The following TTI2 variants were observed in gnomAD, a reference collection of about 807,000 sequenced individuals.
The protein encoded by TTI2 is TELO2 interacting protein 2.
In TTI2, 26 loss-of-function variants were observed where a neutral mutation model predicts 44.9. The ratio of observed to expected loss-of-function variants is 0.58; its 90% CI spans 0.42 to 0.80. The LOEUF (loss-of-function observed/expected upper bound fraction) is 0.80, where lower values mean the gene tolerates loss of function less well. Ranked by LOEUF, TTI2 falls within the 30% of genes least tolerant of loss-of-function variation. The pLI is 0.00. For synonymous variants in TTI2, 254 were observed against 250.9 expected (o/e 1.01, Z -0.12); for missense variants, 582 against 611.6 (o/e 0.95, Z 0.51).
Position 33,509,882 on chromosome 8 carries a change from A to G in TTI2, c.698T>C (p.Leu233Pro). 1 of 1,612,530 alleles carries G rather than the reference A, an allele frequency of 6.2e-7. No individual in the cohort carries two copies. The highest frequency in any genetic ancestry group is 8.5e-7 in the Non-Finnish European group (1 of 1,179,264). Residue 233 changes from leucine (L) to proline (P), a missense_variant, in exon 3 of 8, where the codon CTG (leucine) becomes CCG (proline). Transcript: ENST00000431156. ...PAIKHVFSWT[L>P]QQVTRPWLSQ... ...CAGCCAGGGCCGAGTGACCTGTTGCAGAGTCCATGAGAAAACATGTTTGAT... is the reference window on the plus strand; with the variant it reads ...CAGCCAGGGCCGAGTGACCTGTTGCGGAGTCCATGAGAAAACATGTTTGAT...
At chr8:33,501,955 ATATTT>A (rs1284870481) in intron 6 of TTI2, among the ~76,000 whole-genome samples, 1 of 151,600 alleles carries the variant, frequency 6.6e-6, no homozygotes, top group African/African-American at 2.4e-5. Context: ...ATTTTTTTTT[ATATTT>A]TGAGACAGAG....
intron 4 of TTI2, 98 bp downstream of exon 4, chr8:33,507,131 G>A: frequency 9.2e-7 from 1 of 1,082,454 alleles, no homozygotes; most frequent in Non-Finnish European, 1.4e-6. Context: ...ACTTTCCAAG[G>A]CAGGAAAATG....
intron 7 of TTI2, 83 bp downstream of exon 7, chr8:33,500,245 C>T (rs527301027): frequency 1.3e-6 from 2 of 1,539,616 alleles, no homozygotes; most frequent in African/African-American, 2.7e-5. Flanking sequence ...TGGTCAGGCA[C>T]ATACATAGTA....
chr8:33,509,047 G>A (rs996369863), intron 3 of TTI2, among the ~76,000 whole-genome samples: 2 of 147,804 alleles, frequency 1.4e-5, no homozygotes, highest in African/African-American at 2.5e-5. Context: ...GGAGGCTGAG[G>A]CAAGAGAATC....
In TTI2 at chr8:33,503,765, C is replaced by T. The variant is rs150296270; in HGVS notation, c.1098G>A (p.Leu366=). The T allele has an allele frequency of 6.2e-7, 1 of 1,613,680 alleles. No homozygotes were observed. The highest frequency in any genetic ancestry group is 8.5e-7 in the Non-Finnish European group (1 of 1,179,998). Residue 366 remains leucine (L), a synonymous_variant, in exon 5 of 8, where the codon CTG becomes CTA. Transcript: ENST00000431156. ...LLLRRTYARN[L]PAFVNRLGIL... is the part of the protein sequence containing the mutation. ...GGCCTCACCTGTTCACGAAAGCCGG[C>T]AGGTTTCTTGCGTAGGTCCTGCGTA...
chr8:33,512,200 T>G lies in TTI2; in HGVS notation c.414A>C (p.Ala138=), dbSNP rs754700807. 2.5e-6 allele frequency: 4 copies of G among 1,614,214 alleles called. No individual in the cohort carries two copies. The Admixed American group carries it at 6.7e-5, about 27-fold the overall frequency. ...ETAKNSLVGP[A]WQTGLHHLAG... ...CCAAGTGATGCAGGCCCGTCTGCCATGCAGGGCCGACCAGGGAATTCTTAG... is the reference window on the plus strand; with the variant it reads ...CCAAGTGATGCAGGCCCGTCTGCCAGGCAGGGCCGACCAGGGAATTCTTAG... Residue 138 remains alanine (A), a synonymous_variant, in exon 2 of 8, where the codon GCA becomes GCC. Transcript: ENST00000431156.
rs971346120 is a variant in TTI2 at position 33,503,552 on chromosome 8, C to T, written c.1136G>A (p.Arg379Gln). 17 of 1,613,808 alleles carry T rather than the reference C, an allele frequency of 1.1e-5. No individual in the cohort carries two copies. The African/African-American group carries it at 1.2e-4, about 11-fold the overall frequency. Residue 379 changes from arginine (R) to glutamine (Q), a missense_variant, in exon 6 of 8, where the codon CGG (arginine) becomes CAG (glutamine). Arg to Gln is a conservative substitution (Grantham distance 43, BLOSUM62 1). Transcript: ENST00000431156. Reference sequence around the variant, plus strand: ...GACTCTCTCCAGCCTCTTTAAGTGCCGGACAGTTAGGATCCCCAACCTAAA... The same window carrying T: ...GACTCTCTCCAGCCTCTTTAAGTGCTGGACAGTTAGGATCCCCAACCTAAA... ...FVNRLGILTV[R>Q]HLKRLERVII...
chr8:33,508,105 A>AAAAAAAAAAAAAAAAAAG (rs1305349581), intron 3 of TTI2, among the ~76,000 whole-genome samples: 1 of 148,158 alleles, frequency 6.7e-6, no homozygotes. Flanking sequence ...AAAAAAAAAA[A>AAAAAAAAAAAAAAAAAAG]AAAAAAAAAA....
chr8:33,511,910 A>T, intron 2 of TTI2, 57 bp downstream of exon 2: 2 of 1,556,696 alleles, frequency 1.3e-6, no homozygotes, highest in Non-Finnish European at 8.8e-7. Flanking sequence ...AAATAATAAA[A>T]AATAAAAATA....
intron 4 of TTI2, among the ~76,000 whole-genome samples, chr8:33,505,553 G>A (rs1328463921): frequency 6.6e-6 from 1 of 151,044 alleles, no homozygotes; most frequent in Non-Finnish European, 1.5e-5. Context: ...GCAATGGCAT[G>A]ATCTCGGCTC....
At chr8:33,509,132 CAAAAAAAAAAA>C (rs751009227) in intron 3 of TTI2, among the ~76,000 whole-genome samples, 1 of 97,104 alleles carries the variant, frequency 1.0e-5, no homozygotes, top group Non-Finnish European at 2.0e-5. Flanking sequence ...GATAATGTCT[CAAAAAAAAAAA>C]AAAAAAAAGA....
chr8:33,500,358 G>A lies in TTI2; in HGVS notation c.1392C>T (p.Leu464=). The A allele has an allele frequency of 6.2e-7, 1 of 1,614,144 alleles. No individual in the cohort carries two copies. The highest frequency in any genetic ancestry group is 2.2e-5 in the East Asian group (1 of 44,888). ...LLQEATDCLI[L]LDRCSQGRVK... is the part of the protein sequence containing the mutation. ...CCCGTCCTTGAGAACAGCGGTCCAGGAGAATCAGGCAGTCTGTGGCCTCCT... is the reference window on the plus strand; with the variant it reads ...CCCGTCCTTGAGAACAGCGGTCCAGAAGAATCAGGCAGTCTGTGGCCTCCT... The change falls in exon 7 of 8, where the codon CTC becomes CTT. Residue 464 remains leucine (L), a synonymous_variant. Transcript: ENST00000431156.
intron 4 of TTI2, among the ~76,000 whole-genome samples, chr8:33,504,895 T>C (rs1339976461): frequency 6.6e-6 from 1 of 152,180 alleles, no homozygotes; most frequent in Non-Finnish European, 1.5e-5. Context: ...TGTTACAATC[T>C]GGATTCTCAA....
Position 33,498,876 on chromosome 8 carries a change from T to TTG in TTI2, c.*296_*297insCA. 1.7e-6 allele frequency: 1 copy of TTG among 583,396 alleles called. No homozygotes were observed. Among genetic ancestry groups the TTG allele is most frequent in the Non-Finnish European group, 3.0e-6 (1 of 331,850 alleles). 36.1% of individuals were successfully genotyped at this position (583,396 alleles called of 1,614,324 possible). A position where few individuals can be genotyped will look rare whatever the true frequency, so the allele number is the denominator to read the frequency against. On this transcript the variant is annotated 3_prime_UTR_variant, in exon 8 of 8. Transcript: ENST00000431156. The stretch of plus-strand genomic sequence containing the variant: ...AGTAACAGCTTGTGCCCGAGAAACT[T>TTG]AACAGATGAGTTCTTGAATCTGGGA...
Position 33,511,951 on chromosome 8 carries a change from G to A in TTI2, c.647+16C>T. Reference sequence around the variant, plus strand: ...CTGTGAGGCTCAAGTCGGTGGCAAAGGGCAGGAGTACTCACTTATACAAGT... The same window carrying A: ...CTGTGAGGCTCAAGTCGGTGGCAAAAGGCAGGAGTACTCACTTATACAAGT... On this transcript the variant is annotated intron_variant, in intron 2 of 7. Coordinates refer to ENST00000431156, the MANE Select transcript of TTI2 (RefSeq NM_001102401.4). 6.2e-7 allele frequency: 1 copy of A among 1,613,992 alleles called. No homozygotes were observed. Among genetic ancestry groups the A allele is most frequent in the East Asian group, 2.2e-5 (1 of 44,884 alleles).
At chr8:33,507,402 G>A (rs1809338804) in intron 3 of TTI2, 81 bp from the exon 4 acceptor site, 18 of 1,257,988 alleles carry the variant, frequency 1.4e-5, no homozygotes, top group South Asian at 1.0e-4. Context: ...ATTGGATTAT[G>A]GGTATGAAGC....
chr8:33,505,717 G>A (rs1027716882), intron 4 of TTI2, among the ~76,000 whole-genome samples: 3 of 152,100 alleles, frequency 2.0e-5, no homozygotes, highest in Non-Finnish European at 4.4e-5. Flanking sequence ...GCAGTGGCGC[G>A]ATCTTGGCTC....
At chr8:33,509,974 A>C in intron 2 of TTI2, 42 bp from the exon 3 acceptor site, 2 of 963,678 alleles carry the variant, frequency 2.1e-6, no homozygotes, top group Non-Finnish European at 3.0e-6. Context: ...CATGGTGATA[A>C]GTAGCAAAAA....
intron 4 of TTI2, among the ~76,000 whole-genome samples, chr8:33,506,874 T>C (rs1017456905): frequency 6.6e-6 from 1 of 151,936 alleles, no homozygotes; most frequent in Non-Finnish European, 1.5e-5. Flanking sequence ...TTTGTATTTT[T>C]AGTAGAGATG....
Sources: gnomAD v4.1 joint callset for allele counts (sites outside exome capture counted in the v4.1 genomes callset) on GRCh38, gnomAD v4.1.1 for gene constraint, MANE v1.5 for transcripts, NCBI Gene and HGNC (gene_info 2026-07-23, HGNC 2026-07-21) for gene names.